RBFOX3: variants seen among roughly 807,000 people sequenced by gnomAD.
RBFOX3 encodes the protein RNA binding fox-1 homolog 3.
A neutral mutation model predicts 48.7 loss-of-function variants in RBFOX3; 17 were observed. That is an observed-to-expected ratio of 0.35 (90% CI 0.24 to 0.52). RBFOX3 has a LOEUF of 0.52. Ranked by LOEUF, RBFOX3 falls within the 20% of genes least tolerant of loss-of-function variation. The pLI, the probability that RBFOX3 is intolerant of heterozygous loss-of-function variation, is 0.94. For synonymous variants in RBFOX3, 212 were observed against 209.5 expected, an observed-to-expected ratio of 1.01 and a Z score of -0.10; for missense variants, 382 against 497.5, an observed-to-expected ratio of 0.77 and a Z score of 2.21.
At chr17:79,127,754 G>A (rs146834031) in intron 4 of RBFOX3, among the ~76,000 whole-genome samples, 2 of 152,314 alleles carry the variant, frequency 1.3e-5, no homozygotes, top group East Asian at 3.9e-4. Flanking sequence ...GGAACAGCAC[G>A]AGTTATCTGG....
intron 2 of RBFOX3, among the ~76,000 whole-genome samples, chr17:79,475,908 C>T (rs2077674042): frequency 2.0e-5 from 3 of 152,226 alleles, no homozygotes; most frequent in African/African-American, 7.2e-5. Flanking sequence ...GATTTTGGAT[C>T]CTGGCCTCCA....
chr17:79,461,748 G>T (rs148923898), intron 2 of RBFOX3, among the ~76,000 whole-genome samples: 1 of 152,200 alleles, frequency 6.6e-6, no homozygotes, highest in Non-Finnish European at 1.5e-5. Context: ...TTTAGGATGG[G>T]CCTCCAATCC....
At chr17:79,485,743 G>A (rs1047415920) in intron 1 of RBFOX3, among the ~76,000 whole-genome samples, 3 of 152,228 alleles carry the variant, frequency 2.0e-5, no homozygotes, top group African/African-American at 7.2e-5. Flanking sequence ...CGAGTCCGGA[G>A]GGCAGGGATC....
intron 4 of RBFOX3, among the ~76,000 whole-genome samples, chr17:79,189,624 A>G (rs1381477923): frequency 6.6e-6 from 1 of 152,220 alleles, no homozygotes; most frequent in East Asian, 1.9e-4. Context: ...GATGACGCCA[A>G]GGAGAGGAGC....
intron 4 of RBFOX3, among the ~76,000 whole-genome samples, chr17:79,137,769 G>A (rs548092905): frequency 1.3e-5 from 2 of 152,330 alleles, no homozygotes; most frequent in South Asian, 2.1e-4. Context: ...TCATTAATGA[G>A]TTTCTTTAAT....
At chr17:79,537,117 C>CAACA (rs782470124) in intron 1 of RBFOX3, among the ~76,000 whole-genome samples, 1 of 127,664 alleles carries the variant, frequency 7.8e-6, no homozygotes, top group Non-Finnish European at 1.7e-5. Flanking sequence ...AAACAAAAAA[C>CAACA]AAAAAAAAAA....
rs1340085605 is a variant in RBFOX3 at position 79,570,794 on chromosome 17, C to T, written c.-320+40032G>A. On this transcript the variant is annotated intron_variant, in intron 1 of 14. Transcript: ENST00000693108. ...TCAGGGGATCGGCCAGGGCTGGGAA[C>T]CCCTGATGCAGGGCTCACATCTTTC... Among the ~76,000 whole-genome samples, 12 of 152,308 alleles carry T rather than the reference C, an allele frequency of 7.9e-5. No homozygotes were observed. The South Asian group carries it at 1.0e-3, about 13-fold the overall frequency.
At chr17:79,228,910 C>G (rs1375452420) in intron 4 of RBFOX3, among the ~76,000 whole-genome samples, 1 of 152,148 alleles carries the variant, frequency 6.6e-6, no homozygotes, top group East Asian at 1.9e-4. Context: ...GCTGGCAACT[C>G]TGATATTGGA....
At chr17:79,444,810 T>C (rs1224316362) in intron 2 of RBFOX3, among the ~76,000 whole-genome samples, 3 of 152,114 alleles carry the variant, frequency 2.0e-5, no homozygotes, top group Non-Finnish European at 4.4e-5. Context: ...GTTATATATA[T>C]GCAAATATAT....
chr17:79,395,970 G>A (rs913892756), intron 2 of RBFOX3, among the ~76,000 whole-genome samples: 30 of 152,326 alleles, frequency 2.0e-4, no homozygotes, highest in South Asian at 4.1e-4. Context: ...TGCACACAAG[G>A]AGCCCCGCCT....
intron 1 of RBFOX3, among the ~76,000 whole-genome samples, chr17:79,564,424 G>A (rs2092376560): frequency 1.3e-5 from 2 of 152,212 alleles, no homozygotes; most frequent in African/African-American, 2.4e-5. Flanking sequence ...GATAATGGCC[G>A]AGCTGGCCTT....
chr17:79,611,212 T>G (rs2093966795), upstream of RBFOX3, among the ~76,000 whole-genome samples: 2 of 117,372 alleles, frequency 1.7e-5, no homozygotes, highest in South Asian at 3.1e-4. Context: ...TCTCTCTCTC[T>G]CGTTCCTCTG....
intron 2 of RBFOX3, among the ~76,000 whole-genome samples, chr17:79,319,100 C>T (rs1304963990): frequency 1.3e-5 from 2 of 151,866 alleles, no homozygotes; most frequent in African/African-American, 2.4e-5. Context: ...AAGCCAGCAC[C>T]GGATGTGGCT....
At chr17:79,495,622 A>C (rs1280780761) in intron 1 of RBFOX3, among the ~76,000 whole-genome samples, 7 of 20,022 alleles carry the variant, frequency 3.5e-4, no homozygotes, top group African/African-American at 1.1e-3. Flanking sequence ...GAGGTGGGGG[A>C]AAGGGTACTG....
intron 1 of RBFOX3, among the ~76,000 whole-genome samples, chr17:79,527,917 C>G (rs1220674408): frequency 2.0e-5 from 3 of 152,174 alleles, no homozygotes; most frequent in Non-Finnish European, 4.4e-5. Context: ...CCTCTCCGCT[C>G]CTTAACACCT....
At chr17:79,131,172 C>T (rs983441777) in intron 4 of RBFOX3, among the ~76,000 whole-genome samples, 1 of 151,816 alleles carries the variant, frequency 6.6e-6, no homozygotes, top group African/African-American at 2.4e-5. Flanking sequence ...GAGCCATGTG[C>T]TGCGTGTGCT....
At chr17:79,609,854 G>A (rs2093929873) in intron 1 of RBFOX3, among the ~76,000 whole-genome samples, 1 of 151,972 alleles carries the variant, frequency 6.6e-6, no homozygotes, top group African/African-American at 2.4e-5. Flanking sequence ...GCGCCACCCC[G>A]AGACGCCACA....
intron 4 of RBFOX3, among the ~76,000 whole-genome samples, chr17:79,130,621 C>T (rs1465158990): frequency 2.0e-5 from 3 of 152,252 alleles, no homozygotes; most frequent in Non-Finnish European, 4.4e-5. Context: ...AGCAGGGAGG[C>T]GCTGAGTGGG....
the RBFOX3 span, among the ~76,000 whole-genome samples, chr17:79,649,680 G>A: frequency 3.3e-5 from 5 of 152,108 alleles, no homozygotes; most frequent in South Asian, 2.1e-4. Flanking sequence ...CACTTCAGCC[G>A]ACAGAGCAAC....
Sources: gnomAD v4.1 joint callset for allele counts (sites outside exome capture counted in the v4.1 genomes callset) on GRCh38, gnomAD v4.1.1 for gene constraint, MANE v1.5 for transcripts, NCBI Gene and HGNC (gene_info 2026-07-23, HGNC 2026-07-21) for gene names.